Variants in GPR39 observed in about 807,000 individuals in gnomAD.
The protein encoded by GPR39 is zinc sensing receptor.
A neutral mutation model predicts 18.4 loss-of-function variants in GPR39; 23 were observed. The observed-to-expected ratio is 1.25, with a 90% confidence interval of 0.90 to 1.77. The LOEUF (loss-of-function observed/expected upper bound fraction) is 1.77. GPR39 is among the 40% of genes most tolerant of loss of function. GPR39 has a pLI of 0.00. For synonymous variants in GPR39, 280 were observed against 257.9 expected, an observed-to-expected ratio of 1.09 and a Z score of -0.82; for missense variants, 647 against 602.4, an observed-to-expected ratio of 1.07 and a Z score of -0.78.
At chr2:132,492,874 C>CAT (rs1405008241) in intron 1 of GPR39, among the ~76,000 whole-genome samples, 5 of 137,716 alleles carry the variant, frequency 3.6e-5, no homozygotes, top group Non-Finnish European at 7.7e-5. Context: ...ATATGTACAC[C>CAT]ATATATATAC....
chr2:132,492,758 T>C (rs1681513418), intron 1 of GPR39, among the ~76,000 whole-genome samples: 1 of 121,866 alleles, frequency 8.2e-6, no homozygotes, highest in Non-Finnish European at 1.7e-5. Flanking sequence ...GTATATACCA[T>C]ATATATACAT....
chr2:132,629,900 T>C (rs1681617714), intron 1 of GPR39, among the ~76,000 whole-genome samples: 1 of 152,194 alleles, frequency 6.6e-6, no homozygotes, highest in Admixed American at 6.5e-5. Context: ...TGATTGGAAG[T>C]TCCCAGTTTT....
chr2:132,577,477 T>G (rs1680550167), intron 1 of GPR39, among the ~76,000 whole-genome samples: 2 of 152,094 alleles, frequency 1.3e-5, no homozygotes, highest in South Asian at 4.1e-4. Flanking sequence ...TATATCAATT[T>G]GAGGAGAATT....
intron 1 of GPR39, among the ~76,000 whole-genome samples, chr2:132,461,483 G>GA (rs1223229412): frequency 1.3e-5 from 2 of 152,164 alleles, no homozygotes; most frequent in African/African-American, 4.8e-5. Flanking sequence ...AGAACATTTA[G>GA]AAAACCATAA....
intron 1 of GPR39, among the ~76,000 whole-genome samples, chr2:132,556,132 A>G (rs891823259): frequency 1.3e-5 from 2 of 152,178 alleles, no homozygotes; most frequent in Non-Finnish European, 2.9e-5. Flanking sequence ...ATTTGCTTCA[A>G]TGCAAATACA....
chr2:132,577,102 TC>T (rs1015042939), intron 1 of GPR39, among the ~76,000 whole-genome samples: 1 of 152,000 alleles, frequency 6.6e-6, no homozygotes, highest in African/African-American at 2.4e-5. Flanking sequence ...ACACCTGTAA[TC>T]CCAGCACTTT....
At chr2:132,510,389 C>T (rs1260116304) in intron 1 of GPR39, among the ~76,000 whole-genome samples, 1 of 152,096 alleles carries the variant, frequency 6.6e-6, no homozygotes, top group Non-Finnish European at 1.5e-5. Context: ...CTACTCATGC[C>T]CCACCTGTAC....
chr2:132,440,105 G>T (rs757114670), intron 1 of GPR39, among the ~76,000 whole-genome samples: 1 of 152,128 alleles, frequency 6.6e-6, no homozygotes, highest in Non-Finnish European at 1.5e-5. Flanking sequence ...CTGAAGCTCA[G>T]CCCTAGTCCT....
At chr2:132,457,866 C>T (rs1418043543) in intron 1 of GPR39, among the ~76,000 whole-genome samples, 1 of 152,254 alleles carries the variant, frequency 6.6e-6, no homozygotes, top group Non-Finnish European at 1.5e-5. Context: ...AGCCAGGCTG[C>T]CACCTCACAG....
chr2:132,616,154 G>T (rs922901497), intron 1 of GPR39, among the ~76,000 whole-genome samples: 29 of 151,976 alleles, frequency 1.9e-4, no homozygotes, highest in Non-Finnish European at 2.4e-4. Flanking sequence ...TTTATATGTG[G>T]GTTCTCAGCT....
At chr2:132,514,132 G>A (rs1460491841) in intron 1 of GPR39, among the ~76,000 whole-genome samples, 2 of 152,144 alleles carry the variant, frequency 1.3e-5, no homozygotes. Flanking sequence ...AAGAAAGGCT[G>A]GGCCAGATCT....
At chr2:132,526,256 G>A (rs2104771171) in intron 1 of GPR39, among the ~76,000 whole-genome samples, 1 of 152,124 alleles carries the variant, frequency 6.6e-6, no homozygotes, top group African/African-American at 2.4e-5. Context: ...CTAAAATCTG[G>A]GAAATTTTGA....
intron 1 of GPR39, among the ~76,000 whole-genome samples, chr2:132,456,300 C>T (rs914889389): frequency 1.8e-4 from 13 of 71,560 alleles, no homozygotes; most frequent in Admixed American, 4.4e-4. Context: ...GATTGCAACC[C>T]CTGCTTTTTT....
At chr2:132,430,403 C>T (rs781084320) in intron 1 of GPR39, among the ~76,000 whole-genome samples, 1 of 152,140 alleles carries the variant, frequency 6.6e-6, no homozygotes, top group African/African-American at 2.4e-5. Context: ...ACTTTAGTAA[C>T]TGTGCCAAGG....
chr2:132,540,605 C>T (rs191920664), intron 1 of GPR39, among the ~76,000 whole-genome samples: 162 of 152,276 alleles, frequency 1.1e-3, no homozygotes, highest in Admixed American at 2.0e-3. Context: ...ATAAAGCTGC[C>T]AAGGAGCATT....
At chr2:132,426,746 C>T (rs1260664980) in intron 1 of GPR39, among the ~76,000 whole-genome samples, 2 of 152,200 alleles carry the variant, frequency 1.3e-5, no homozygotes, top group Non-Finnish European at 2.9e-5. Context: ...GTTTAACACT[C>T]AGGCCACTGC....
At chr2:132,580,257 A>C (rs1312588251) in intron 1 of GPR39, among the ~76,000 whole-genome samples, 3 of 152,222 alleles carry the variant, frequency 2.0e-5, no homozygotes, top group Non-Finnish European at 4.4e-5. Flanking sequence ...ATATGTTTGC[A>C]TCTCAGTTGG....
At chr2:132,596,600 C>T (rs1680954020) in intron 1 of GPR39, among the ~76,000 whole-genome samples, 1 of 152,018 alleles carries the variant, frequency 6.6e-6, no homozygotes, top group Non-Finnish European at 1.5e-5. Context: ...ATTTAAATCC[C>T]AATCTGAAAT....
At chr2:132,576,167 A>C (rs1213692780) in intron 1 of GPR39, among the ~76,000 whole-genome samples, 1 of 151,950 alleles carries the variant, frequency 6.6e-6, no homozygotes, top group Admixed American at 6.6e-5. Context: ...TTCTTTTTTT[A>C]CTGTTGAATT....
Sources: allele counts gnomAD v4.1 joint callset (sites outside exome capture counted in the v4.1 genomes callset), GRCh38; gene constraint gnomAD v4.1.1; transcripts MANE v1.5; gene names NCBI Gene and HGNC (gene_info 2026-07-23, HGNC 2026-07-21).